The following TRIP12 variants were observed in gnomAD, a reference collection of about 807,000 sequenced individuals.
TRIP12 encodes the protein thyroid hormone receptor interactor 12.
In TRIP12, 25 loss-of-function variants were observed where a neutral mutation model predicts 244.2. That is an observed-to-expected ratio of 0.10 (90% CI 0.07 to 0.14). The LOEUF (loss-of-function observed/expected upper bound fraction) is 0.14. TRIP12 is among the 10% of genes least tolerant of loss of function. The probability of loss-of-function intolerance (pLI) is 1.00; values close to 1 mark genes in which losing one functional copy is unlikely to be tolerated. For synonymous variants in TRIP12, 905 were observed against 873.1 expected (o/e 1.04, Z -0.64); for missense variants, 1,677 against 2,486.4 (o/e 0.67, Z 6.92).
chr2:229,819,577 C>G (rs2049463173), intron 8 of TRIP12, among the ~76,000 whole-genome samples: 1 of 152,104 alleles, frequency 6.6e-6, no homozygotes, highest in African/African-American at 2.4e-5. Flanking sequence ...AAAATAAAGT[C>G]TATGAATGTG....
chr2:229,849,742 A>G (rs2058287226), intron 4 of TRIP12, among the ~76,000 whole-genome samples: 1 of 152,070 alleles, frequency 6.6e-6, no homozygotes, highest in Non-Finnish European at 1.5e-5. Context: ...GTATGGTGGC[A>G]TGTGCCTGTG....
intron 1 of TRIP12, among the ~76,000 whole-genome samples, chr2:229,908,556 C>G (rs575488384): frequency 6.7e-5 from 10 of 150,346 alleles, no homozygotes; most frequent in African/African-American, 2.2e-4. Context: ...CATGGTGAAA[C>G]CCCGTCTCTA....
chr2:229,821,921 C>T (rs557665081), intron 8 of TRIP12, among the ~76,000 whole-genome samples: 1 of 152,280 alleles, frequency 6.6e-6, no homozygotes, highest in African/African-American at 2.4e-5. Flanking sequence ...GGGCGGATCA[C>T]CTGAGGTCAG....
At chr2:229,885,518 C>T (rs1474285240) in intron 1 of TRIP12, among the ~76,000 whole-genome samples, 1 of 152,174 alleles carries the variant, frequency 6.6e-6, no homozygotes, top group African/African-American at 2.4e-5. Context: ...AGCTCCAGTT[C>T]TGAACTACAC....
intron 1 of TRIP12, among the ~76,000 whole-genome samples, chr2:229,898,721 C>G (rs2069670206): frequency 6.6e-6 from 1 of 152,050 alleles, no homozygotes; most frequent in Non-Finnish European, 1.5e-5. Context: ...AAGACAGGGT[C>G]CCACTGTCCA....
intron 2 of TRIP12, among the ~76,000 whole-genome samples, chr2:229,873,687 CTATT>C (rs1186041718): frequency 1.3e-5 from 2 of 152,092 alleles, no homozygotes; most frequent in African/African-American, 4.8e-5. Flanking sequence ...AAACACAACT[CTATT>C]TCTTTCTATA....
In TRIP12 at chr2:229,764,568, G is replaced by A. The variant is rs1479671388; in HGVS notation, c.*2986C>T. 6.6e-6 allele frequency: 1 copy of A among 152,184 alleles called. No individual in the cohort carries two copies. The highest frequency in any genetic ancestry group is 6.5e-5 in the Admixed American group (1 of 15,282). The allele number at this position is 152,184 out of a possible 1,614,324, so 9.4% of individuals were successfully genotyped here. On this transcript the variant is annotated 3_prime_UTR_variant, in exon 42 of 42. Coordinates refer to ENST00000675903, the MANE Select transcript of TRIP12 (RefSeq NM_001348323.3). ...TTTCCTGAGCTCACGCTCACAGACA[G>A]GAGTCGAGAGTACAGCTGCAGCACC...
chr2:229,837,478 T>C (rs1411414247), intron 5 of TRIP12, among the ~76,000 whole-genome samples: 1 of 151,962 alleles, frequency 6.6e-6, no homozygotes, highest in Non-Finnish European at 1.5e-5. Flanking sequence ...CTACTAAAAA[T>C]ACAAAAATTA....
At chr2:229,902,275 C>T (rs1226647709) in intron 1 of TRIP12, among the ~76,000 whole-genome samples, 1 of 151,900 alleles carries the variant, frequency 6.6e-6, no homozygotes, top group Non-Finnish European at 1.5e-5. Context: ...CCCAGCTACT[C>T]GGGAGGCTGA....
chr2:229,777,285 G>C (rs777229621), intron 37 of TRIP12, 30 bp downstream of exon 37: 3 of 1,588,992 alleles, frequency 1.9e-6, no homozygotes, highest in Non-Finnish European at 2.6e-6. Flanking sequence ...ATAAAGACTT[G>C]ATCTACTGGA....
intron 41 of TRIP12, among the ~76,000 whole-genome samples, chr2:229,768,273 A>G (rs905397094): frequency 1.3e-5 from 2 of 152,196 alleles, no homozygotes; most frequent in Non-Finnish European, 2.9e-5. Flanking sequence ...AAAAAACAAA[A>G]CAAAAACAAC....
chr2:229,914,464 A>T (rs2074990737), intron 1 of TRIP12, among the ~76,000 whole-genome samples: 1 of 152,218 alleles, frequency 6.6e-6, no homozygotes, highest in South Asian at 2.1e-4. Flanking sequence ...CAAAAAAAGT[A>T]GGGGACATTC....
rs762377294 is a variant in TRIP12, at chr2:229,804,012, G to A, written c.2866C>T (p.His956Tyr). Residue 956 changes from histidine to tyrosine, a missense_variant, in exon 19 of 42, where the codon CAT (histidine) becomes TAT (tyrosine). By Grantham distance (83) the His-to-Tyr change is moderately conservative. This residue lies in a region of TRIP12 where 572 missense variants were observed against 867.8 expected (regional missense o/e 0.66). Coordinates refer to ENST00000675903, the MANE Select transcript of TRIP12 (RefSeq NM_001348323.3). ...TCATTAACACACCTTGAAACAGCAT[G>A]ATTTTTCAGAACATCCTTCAGAAGT... ...AELLKDVLKN[H>Y]AVSSHIASML... 6.2e-7 allele frequency: 1 copy of A among 1,613,102 alleles called. No homozygotes were observed.
chr2:229,790,169 G>A (rs2041087128), intron 30 of TRIP12, among the ~76,000 whole-genome samples: 1 of 152,198 alleles, frequency 6.6e-6, no homozygotes, highest in African/African-American at 2.4e-5. Context: ...TTAAAAATCT[G>A]GTAAAAGAGA....
At chr2:229,900,963 T>G (rs1409094601) in intron 1 of TRIP12, 2 of 151,464 alleles carry the variant, frequency 1.3e-5, no homozygotes, top group African/African-American at 4.9e-5. Context: ...AGACAGAGTC[T>G]TGCTCTATCG....
In TRIP12 at chr2:229,807,777, C is replaced by T. The variant is rs755441906; in HGVS notation, c.2427G>A (p.Ala809=). Residue 809 remains alanine (A), a synonymous_variant, in exon 17 of 42, where the codon GCG becomes GCA. Coordinates refer to ENST00000675903, the MANE Select transcript of TRIP12 (RefSeq NM_001348323.3). ...KKGNAQNTDG[A]IWQWRDDRGL... The stretch of plus-strand genomic sequence containing the variant: ...CCCGATCATCACGCCACTGCCATAT[C>T]GCACCATCTGTGTTCTGTGCATTTC... 3.8e-5 allele frequency: 61 copies of T among 1,614,026 alleles called. No individual in the cohort carries two copies. The highest frequency in any genetic ancestry group is 4.9e-5 in the Non-Finnish European group (58 of 1,180,028).
chr2:229,900,448 C>T (rs1296329976), intron 1 of TRIP12, among the ~76,000 whole-genome samples: 1 of 151,952 alleles, frequency 6.6e-6, no homozygotes, highest in Admixed American at 6.6e-5. Flanking sequence ...AAGAGAAATC[C>T]AAATAACAGT....
At chr2:229,823,599 C>A (rs2050684899) in intron 8 of TRIP12, among the ~76,000 whole-genome samples, 1 of 151,798 alleles carries the variant, frequency 6.6e-6, no homozygotes, top group Non-Finnish European at 1.5e-5. Context: ...TGGCGTGAAC[C>A]CGGGAGGCGG....
chr2:229,869,369 A>G (rs2062120504), intron 2 of TRIP12, among the ~76,000 whole-genome samples: 1 of 152,198 alleles, frequency 6.6e-6, no homozygotes, highest in Non-Finnish European at 1.5e-5. Flanking sequence ...AATACACGCA[A>G]CTTCGAAATA....
Sources: gnomAD v4.1 joint callset for allele counts (sites outside exome capture counted in the v4.1 genomes callset) on GRCh38, gnomAD v4.1.1 for gene constraint, gnomAD v4.1.1 regional missense constraint, MANE v1.5 for transcripts, NCBI Gene and HGNC (gene_info 2026-07-23, HGNC 2026-07-21) for gene names.